The following DNAAF10 variants were observed in gnomAD, a reference collection of about 807,000 sequenced individuals.
The protein encoded by DNAAF10 is WD repeat domain 92.
Under a neutral mutation model 43.7 loss-of-function variants are expected in DNAAF10, and 28 were observed. The ratio of observed to expected loss-of-function variants is 0.64; its 90% confidence interval spans 0.48 to 0.88. DNAAF10 has a LOEUF of 0.88. Among genes scored for constraint, DNAAF10 ranks in the 40% least tolerant of loss-of-function variants. The pLI is 0.00. For missense variants in DNAAF10, 403 were observed against 439.1 expected (o/e 0.92, Z 0.73); for synonymous variants, 156 against 157.3 (o/e 0.99, Z 0.06).
chr2:68,137,688 G>A (rs1307698887), intron 5 of DNAAF10, among the ~76,000 whole-genome samples: 5 of 151,720 alleles, frequency 3.3e-5, no homozygotes, highest in Non-Finnish European at 7.4e-5. Flanking sequence ...CCTACATGGT[G>A]AAACCCTGTC....
In DNAAF10 at chr2:68,130,432, C is replaced by T. The variant is rs1672906436; in HGVS notation, c.*806G>A. ...GGCGTGAGCTACCACGCCTGGCCCA[C>T]CATTTTGATATTTTATACAATAATA... On this transcript the variant is annotated 3_prime_UTR_variant, in exon 8 of 8. Transcript: ENST00000295121. The T allele has an allele frequency of 6.6e-6, 1 of 151,794 alleles. No homozygotes were observed. Among genetic ancestry groups the T allele is most frequent in the Admixed American group, 6.6e-5 (1 of 15,214 alleles). The allele number at this position is 151,794 out of a possible 1,614,324, so 9.4% of individuals were successfully genotyped here.
At chr2:68,152,236 A>T (rs1372653397) in intron 1 of DNAAF10, among the ~76,000 whole-genome samples, 3 of 152,254 alleles carry the variant, frequency 2.0e-5, no homozygotes, top group African/African-American at 7.2e-5. Context: ...CTTTTCTTAA[A>T]GAAACACAAA....
chr2:68,155,550 C>T (rs1260024650), intron 1 of DNAAF10, among the ~76,000 whole-genome samples: 1 of 151,666 alleles, frequency 6.6e-6, no homozygotes, highest in African/African-American at 2.4e-5. Flanking sequence ...AATACCTTTT[C>T]TTTTTAATGG....
At chr2:68,152,524 C>T (rs948766882) in intron 1 of DNAAF10, among the ~76,000 whole-genome samples, 8 of 151,832 alleles carry the variant, frequency 5.3e-5, no homozygotes, top group African/African-American at 1.5e-4. Context: ...AGTTCACAAA[C>T]GGGTTCCCTC....
chr2:68,147,384 TTCTC>T (rs1209503506), intron 2 of DNAAF10, 79 bp downstream of exon 2: 11 of 1,017,538 alleles, frequency 1.1e-5, no homozygotes, highest in South Asian at 7.3e-5. Flanking sequence ...AAAATTAAAA[TTCTC>T]TCTTTCAGAG....
intron 1 of DNAAF10, among the ~76,000 whole-genome samples, chr2:68,152,548 A>C (rs1673483367): frequency 6.6e-6 from 1 of 152,122 alleles, no homozygotes; most frequent in South Asian, 2.1e-4. Context: ...GCCCCATTAG[A>C]TAGTTTATCT....
chr2:68,157,061 C>T, intron 1 of DNAAF10, 200 bp downstream of exon 1: 1 of 748,070 alleles, frequency 1.3e-6, no homozygotes, highest in Non-Finnish European at 2.1e-6. Flanking sequence ...GACGGTTGGG[C>T]GCGGAGGAAC....
At chr2:68,142,539 G>A (rs948543583) in intron 3 of DNAAF10, among the ~76,000 whole-genome samples, 9 of 152,174 alleles carry the variant, frequency 5.9e-5, no homozygotes, top group Non-Finnish European at 1.0e-4. Context: ...GATTACCGGC[G>A]TGAGCCACTG....
At position 68,157,398 on chromosome 2, in the gene DNAAF10, C is replaced by G. The variant is rs531010203; in HGVS notation, c.46G>C (p.Gly16Arg). Residue 16 changes from glycine (G) to arginine (R), a missense_variant, in exon 1 of 8, where the codon GGC becomes CGC. Coordinates refer to ENST00000295121, the MANE Select transcript of DNAAF10 (RefSeq NM_138458.4). ...CAGTCAAACACCGTGTAGTTGAAGCCCTTCTGGATATGGGCGATGATCTGA... is the reference window on the plus strand; with the variant it reads ...CAGTCAAACACCGTGTAGTTGAAGCGCTTCTGGATATGGGCGATGATCTGA... ...KPQIIAHIQK[G>R]FNYTVFDCKW... 2 of 1,614,164 alleles carry G rather than the reference C, an allele frequency of 1.2e-6. No individual in the cohort carries two copies. Among genetic ancestry groups the G allele is most frequent in the East Asian group, 4.5e-5 (2 of 44,878 alleles).
At chr2:68,135,924 A>T (rs559190641) in intron 6 of DNAAF10, among the ~76,000 whole-genome samples, 2 of 152,304 alleles carry the variant, frequency 1.3e-5, no homozygotes, top group Admixed American at 1.3e-4. Context: ...ATATAATTTT[A>T]AAAAACTGGG....
chr2:68,143,467 T>C (rs1673240171), intron 3 of DNAAF10, among the ~76,000 whole-genome samples: 2 of 152,214 alleles, frequency 1.3e-5, no homozygotes, highest in African/African-American at 4.8e-5. Flanking sequence ...TAGGCGTGAC[T>C]GTACCTGGCC....
intron 1 of DNAAF10, among the ~76,000 whole-genome samples, chr2:68,147,946 A>C (rs1259653930): frequency 2.0e-5 from 3 of 152,170 alleles, no homozygotes; most frequent in Admixed American, 6.5e-5. Context: ...CAAAAATGTT[A>C]TGTGTCTCTT....
In DNAAF10 at chr2:68,131,383, G is replaced by T; in HGVS notation, c.929C>A (p.Ser310Tyr). 1 of 1,614,196 alleles carries T rather than the reference G, an allele frequency of 6.2e-7. No individual in the cohort carries two copies. The stretch of plus-strand genomic sequence containing the variant: ...CGTAACATTCTGCAGAAGGCTTACA[G>T]AACCTGCGACTCCCATTTCTATTCC... ...SEGIEMGVAG[S>Y]VSLLQNVTLS... The change falls in exon 8 of 8, where the codon TCT becomes TAT. Residue 310 changes from serine to tyrosine, a missense_variant. Ser to Tyr is a moderately radical substitution (Grantham distance 144). Transcript: ENST00000295121.
chr2:68,135,339 T>C (rs1181933107), intron 6 of DNAAF10, among the ~76,000 whole-genome samples: 12 of 152,202 alleles, frequency 7.9e-5, no homozygotes, highest in Non-Finnish European at 1.5e-5. Flanking sequence ...TTATTGCCAT[T>C]TACCTGTCCA....
intron 1 of DNAAF10, among the ~76,000 whole-genome samples, chr2:68,149,404 G>C (rs1481518965): frequency 6.6e-6 from 1 of 152,194 alleles, no homozygotes. Flanking sequence ...GTTTGTAAAA[G>C]ACCCTATTGA....
chr2:68,130,139 T>A lies in DNAAF10; in HGVS notation c.*1099A>T, dbSNP rs555008149. ...AGATATATATATATATATTTGTTTT[T>A]TTTTTTTTTGAGACGGAGTCTCACT... On this transcript the variant is annotated 3_prime_UTR_variant, in exon 8 of 8. Coordinates refer to ENST00000295121, the MANE Select transcript of DNAAF10 (RefSeq NM_138458.4). 1.9e-4 allele frequency: 27 copies of A among 145,708 alleles called. No homozygotes were observed. The highest frequency in any genetic ancestry group is 6.8e-4 in the African/African-American group (27 of 39,880). The allele number at this position is 145,708 out of a possible 1,614,324, so 9.0% of individuals were successfully genotyped here.
Position 68,147,536 on chromosome 2 carries a change from G to A in DNAAF10, c.215C>T (p.Thr72Ile). ...CTGCTGTAAAGATGTTGCACCAAATGTTCCACATTTAATAGGTTTGGCCTT... is the reference window on the plus strand; with the variant it reads ...CTGCTGTAAAGATGTTGCACCAAATATTCCACATTTAATAGGTTTGGCCTT... ...IEKAKPIKCG[T>I]FGATSLQQRY... Residue 72 changes from threonine (T) to isoleucine (I), a missense_variant, in exon 2 of 8, where the codon ACA (threonine) becomes ATA (isoleucine). Thr to Ile is a moderately conservative substitution (Grantham distance 89, BLOSUM62 -1). Coordinates refer to ENST00000295121, the MANE Select transcript of DNAAF10 (RefSeq NM_138458.4). 1.9e-6 allele frequency: 3 copies of A among 1,611,732 alleles called. No individual in the cohort carries two copies. Among genetic ancestry groups the A allele is most frequent in the Non-Finnish European group, 2.5e-6 (3 of 1,179,022 alleles).
chr2:68,151,148 A>T (rs72892428), intron 1 of DNAAF10, among the ~76,000 whole-genome samples: 5,802 of 152,348 alleles, frequency 0.038, 332 homozygotes, highest in African/African-American at 0.13. Context: ...GACTCACAAG[A>T]GTGGCATGAA....
At chr2:68,140,862 G>C (rs563966121) in intron 4 of DNAAF10, among the ~76,000 whole-genome samples, 1 of 152,136 alleles carries the variant, frequency 6.6e-6, no homozygotes. Context: ...CACTAAAAAC[G>C]TACAGACTTC....
Sources: allele counts gnomAD v4.1 joint callset (sites outside exome capture counted in the v4.1 genomes callset), GRCh38; gene constraint gnomAD v4.1.1; transcripts MANE v1.5; gene names NCBI Gene and HGNC (gene_info 2026-07-23, HGNC 2026-07-21).